NAALADL2: variants seen among roughly 807,000 people sequenced by gnomAD.
NAALADL2 encodes inactive N-acetylated-alpha-linked acidic dipeptidase-like protein 2.
In NAALADL2, 76 loss-of-function variants were observed where a neutral mutation model predicts 87.2. The ratio of observed to expected loss-of-function variants is 0.87; its 90% CI spans 0.72 to 1.05. NAALADL2 has a LOEUF of 1.05. Among genes scored for constraint, NAALADL2 ranks in the 50% least tolerant of loss-of-function variants. The pLI, the probability that NAALADL2 is intolerant of heterozygous loss-of-function variation, is 0.00. For missense variants in NAALADL2, 1,089 were observed against 945.8 expected, an observed-to-expected ratio of 1.15 and a Z score of -1.99; for synonymous variants, 354 against 331.0, an observed-to-expected ratio of 1.07 and a Z score of -0.75.
chr3:175,340,447 A>C (rs908534424), intron 5 of NAALADL2, among the ~76,000 whole-genome samples: 10 of 152,230 alleles, frequency 6.6e-5, no homozygotes, highest in South Asian at 6.2e-4. Flanking sequence ...ATGGGATAGG[A>C]GCCCTCGATT....
At chr3:175,188,711 C>A (rs1424256835) in intron 2 of NAALADL2, among the ~76,000 whole-genome samples, 1 of 152,100 alleles carries the variant, frequency 6.6e-6, no homozygotes, top group Admixed American at 6.5e-5. Context: ...GGTGCCCAAG[C>A]CACAAATGTG....
At chr3:174,615,533 G>T (rs1720371544) in intron 2 of NAALADL2, among the ~76,000 whole-genome samples, 1 of 152,180 alleles carries the variant, frequency 6.6e-6, no homozygotes, top group African/African-American at 2.4e-5. Context: ...TATTAAGGAA[G>T]ATTTTTTTAA....
At chr3:175,673,617 A>C (rs1236462148) in intron 11 of NAALADL2, among the ~76,000 whole-genome samples, 2 of 152,072 alleles carry the variant, frequency 1.3e-5, no homozygotes, top group Non-Finnish European at 2.9e-5. Flanking sequence ...TAAGGTATTC[A>C]GAAGATTCAG....
chr3:175,765,402 C>A (rs1033446179), intron 13 of NAALADL2, among the ~76,000 whole-genome samples: 2 of 152,022 alleles, frequency 1.3e-5, no homozygotes, highest in African/African-American at 4.8e-5. Context: ...AAATTCAAGC[C>A]TCATTTTTTT....
chr3:175,591,387 A>C (rs1416541870), intron 10 of NAALADL2, among the ~76,000 whole-genome samples: 1 of 152,226 alleles, frequency 6.6e-6, no homozygotes, highest in African/African-American at 2.4e-5. Context: ...TGTTTCTGAA[A>C]AATATTCCAG....
chr3:175,467,221 T>C, intron 8 of NAALADL2, 37 bp downstream of exon 8: 15 of 1,547,830 alleles, frequency 9.7e-6, no homozygotes, highest in Non-Finnish European at 1.3e-5. Flanking sequence ...GTGCTTTTCT[T>C]TTCTTAGTTT....
intron 2 of NAALADL2, among the ~76,000 whole-genome samples, chr3:175,164,538 C>CA (rs1733712269): frequency 6.6e-6 from 1 of 151,886 alleles, no homozygotes; most frequent in Non-Finnish European, 1.5e-5. Flanking sequence ...TTAAGAAGTT[C>CA]AAAAAATGGT....
rs1400435778 is a variant in NAALADL2, at chr3:175,097,169, G to T, written c.423G>T (p.Leu141Phe). ...TATILFIFGILIGYYVHTNCP... is the reference protein window; with the variant it reads ...TATILFIFGIFIGYYVHTNCP... ...CCATTTTATTTATTTTTGGGATTTT[G>T]ATAGGTTATTATGTACATACAAATT... Residue 141 changes from leucine to phenylalanine, a missense_variant, in exon 2 of 14, where the codon TTG (leucine) becomes TTT (phenylalanine). Coordinates refer to ENST00000454872, the MANE Select transcript of NAALADL2 (RefSeq NM_207015.3). The T allele has an allele frequency of 1.6e-5, 26 of 1,613,768 alleles. No homozygotes were observed. Among genetic ancestry groups the T allele is most frequent in the Non-Finnish European group, 2.2e-5 (26 of 1,179,716 alleles).
chr3:175,396,817 C>G (rs1769858885), intron 5 of NAALADL2, among the ~76,000 whole-genome samples: 1 of 152,110 alleles, frequency 6.6e-6, no homozygotes, highest in African/African-American at 2.4e-5. Context: ...CACCTTCACT[C>G]TGTGCTTCTC....
intron 9 of NAALADL2, among the ~76,000 whole-genome samples, chr3:175,555,587 T>C (rs1247566640): frequency 6.6e-6 from 1 of 152,196 alleles, no homozygotes. Context: ...TACATATTTG[T>C]TCATAAGTTA....
At chr3:175,534,058 TAATA>T (rs546167033) in intron 9 of NAALADL2, among the ~76,000 whole-genome samples, 17 of 150,716 alleles carry the variant, frequency 1.1e-4, no homozygotes, top group African/African-American at 3.1e-4. Context: ...TATTTATTTA[TAATA>T]AATAAATTAT....
intron 2 of NAALADL2, among the ~76,000 whole-genome samples, chr3:174,650,676 T>C (rs1317431004): frequency 6.6e-6 from 1 of 152,062 alleles, no homozygotes; most frequent in Admixed American, 6.6e-5. Context: ...GAAATGTGAG[T>C]AGAGAAAGCT....
At chr3:175,321,068 A>G (rs1759792761) in intron 4 of NAALADL2, among the ~76,000 whole-genome samples, 1 of 150,970 alleles carries the variant, frequency 6.6e-6, no homozygotes, top group South Asian at 2.1e-4. Context: ...CTTGATGAAC[A>G]TTGATGCAAA....
intron 1 of NAALADL2, among the ~76,000 whole-genome samples, chr3:174,979,890 T>G (rs1744890388): frequency 6.6e-6 from 1 of 152,184 alleles, no homozygotes; most frequent in African/African-American, 2.4e-5. Context: ...TTTACATCCC[T>G]GATGAAAATC....
chr3:175,265,038 T>C (rs1302569608), intron 4 of NAALADL2, among the ~76,000 whole-genome samples: 2 of 151,596 alleles, frequency 1.3e-5, no homozygotes, highest in Non-Finnish European at 3.0e-5. Context: ...TAAACATTCA[T>C]CGAAAGTCAG....
chr3:175,462,506 A>G (rs933637477), intron 6 of NAALADL2, among the ~76,000 whole-genome samples: 5 of 152,208 alleles, frequency 3.3e-5, no homozygotes, highest in African/African-American at 1.2e-4. Context: ...AAGAAGTGAC[A>G]TTTGTAGGCC....
At chr3:175,709,074 ACT>A (rs1276269183) in intron 11 of NAALADL2, among the ~76,000 whole-genome samples, 1 of 151,206 alleles carries the variant, frequency 6.6e-6, no homozygotes, top group African/African-American at 2.4e-5. Context: ...ATTCAAGGGG[ACT>A]CTATCAAGGT....
At chr3:175,443,597 T>C (rs1720188686) in intron 5 of NAALADL2, among the ~76,000 whole-genome samples, 2 of 152,092 alleles carry the variant, frequency 1.3e-5, no homozygotes, top group Non-Finnish European at 2.9e-5. Context: ...TATTCTTCAA[T>C]TGTACACCAG....
intron 2 of NAALADL2, among the ~76,000 whole-genome samples, chr3:174,625,057 C>CTCT (rs748895219): frequency 8.6e-4 from 68 of 78,852 alleles, no homozygotes; most frequent in African/African-American, 3.1e-3. Context: ...CTCTCTCTCT[C>CTCT]TTTTTTTTTT....
Sources: gnomAD v4.1 joint callset for allele counts (sites outside exome capture counted in the v4.1 genomes callset) on GRCh38, gnomAD v4.1.1 for gene constraint, MANE v1.5 for transcripts, NCBI Gene and HGNC (gene_info 2026-07-23, HGNC 2026-07-21) for gene names.